FBXO40: variants seen among roughly 807,000 people sequenced by gnomAD.
The protein encoded by FBXO40 is F-box only protein 40.
A neutral mutation model predicts 49.9 loss-of-function variants in FBXO40; 50 were observed. The observed-to-expected ratio is 1.00, with a 90% confidence interval of 0.80 to 1.27. FBXO40 has a LOEUF of 1.27. Ranked by LOEUF, FBXO40 falls within the 50% of genes most tolerant of loss-of-function variation. The probability of loss-of-function intolerance (pLI) is 0.00; values close to 1 mark genes in which losing one functional copy is unlikely to be tolerated. For synonymous variants in FBXO40, 340 were observed against 320.2 expected (o/e 1.06, Z -0.66); for missense variants, 895 against 870.1 (o/e 1.03, Z -0.36).
intron 1 of FBXO40, among the ~76,000 whole-genome samples, chr3:121,606,111 G>A (rs566449073): frequency 2.6e-5 from 4 of 152,196 alleles, no homozygotes; most frequent in East Asian, 1.9e-4. Context: ...AGTAAAAGAC[G>A]ACCAGGAGGA....
Position 121,621,489 on chromosome 3 carries a change from C to T in FBXO40, c.60C>T (p.Asn20=). Reference sequence around the variant, plus strand: ...ACAGGCATTGTGAGGGATGCTTCAACCGCCACTGCCACATTCCTGTGGAAC... The same window carrying T: ...ACAGGCATTGTGAGGGATGCTTCAATCGCCACTGCCACATTCCTGTGGAAC... The part of the protein sequence containing the change: ...GHHRHCEGCF[N]RHCHIPVEPN... The change falls in exon 3 of 4, where the codon AAC becomes AAT. Residue 20 remains asparagine (N), a synonymous_variant. Coordinates refer to ENST00000338040, the MANE Select transcript of FBXO40 (RefSeq NM_016298.4). 1.2e-6 allele frequency: 2 copies of T among 1,614,238 alleles called. No individual in the cohort carries two copies. The highest frequency in any genetic ancestry group is 1.7e-6 in the Non-Finnish European group (2 of 1,180,050).
At chr3:121,602,513 A>G (rs1576450241) in intron 1 of FBXO40, among the ~76,000 whole-genome samples, 1 of 152,332 alleles carries the variant, frequency 6.6e-6, no homozygotes, top group South Asian at 2.1e-4. Flanking sequence ...TCCCAGCCAG[A>G]AATAAAAATG....
chr3:121,600,149 G>A (rs2048894752), intron 1 of FBXO40, among the ~76,000 whole-genome samples: 1 of 147,850 alleles, frequency 6.8e-6, no homozygotes, highest in Admixed American at 6.9e-5. Context: ...TCCTGTGCCA[G>A]CCCTCCAAGC....
intron 1 of FBXO40, among the ~76,000 whole-genome samples, chr3:121,603,535 T>C (rs185736193): frequency 7.2e-4 from 110 of 152,288 alleles, no homozygotes; most frequent in African/African-American, 1.6e-3. Flanking sequence ...CTGGACATTC[T>C]GCAGGCTTGG....
intron 2 of FBXO40, 117 bp downstream of exon 2, chr3:121,620,695 C>CT: frequency 3.0e-6 from 4 of 1,316,404 alleles, no homozygotes; most frequent in South Asian, 1.3e-5. Context: ...TATTTATCAA[C>CT]TTTTTTCCAA....
At chr3:121,626,549 G>T (rs1208288182) in intron 3 of FBXO40, 146 bp from the exon 4 acceptor site, 5 of 714,838 alleles carry the variant, frequency 7.0e-6, no homozygotes, top group African/African-American at 3.5e-5. Context: ...TGGAGGAGGG[G>T]CTACCAAATG....
At position 121,622,274 on chromosome 3, in the gene FBXO40, TGGAAACCACA is replaced by T; in HGVS notation, c.848_857del (p.Glu283GlyfsTer13). 6.2e-7 allele frequency: 1 copy of T among 1,614,184 alleles called. No homozygotes were observed. On this transcript the variant is annotated frameshift_variant, in exon 3 of 4. Transcript: ENST00000338040. LOFTEE classifies it high-confidence loss of function. ...AAGCAGCAGGACGTTCGTACAGCCA[TGGAAACCACA>T]GGGCTTGCCCCTTGGCAGGATGGTG...
chr3:121,594,104 A>G (rs10934553), intron 1 of FBXO40, among the ~76,000 whole-genome samples: 54,363 of 149,854 alleles, frequency 0.36, 10,238 homozygotes, highest in East Asian at 0.65. Context: ...CTGGCCTCAA[A>G]TGATCCGCCC....
At chr3:121,601,826 A>C (rs1020237919) in intron 1 of FBXO40, among the ~76,000 whole-genome samples, 2 of 152,204 alleles carry the variant, frequency 1.3e-5, no homozygotes, top group African/African-American at 4.8e-5. Flanking sequence ...GGGACTCTGA[A>C]TTATCCAGAC....
chr3:121,628,967 G>A lies in FBXO40; in HGVS notation c.*2057G>A, dbSNP rs1290203835. The A allele has an allele frequency of 6.6e-6, 1 of 152,206 alleles. No individual in the cohort carries two copies. Among genetic ancestry groups the A allele is most frequent in the East Asian group, 1.9e-4 (1 of 5,198 alleles). 9.4% of individuals were successfully genotyped at this position (152,206 alleles called of 1,614,324 possible). A position where few individuals can be genotyped will look rare whatever the true frequency, so the allele number is the denominator to read the frequency against. On this transcript the variant is annotated 3_prime_UTR_variant, in exon 4 of 4. Coordinates refer to ENST00000338040, the MANE Select transcript of FBXO40 (RefSeq NM_016298.4). ...TCCCAGCAGTCCTAGCAGTCCTCAA[G>A]CAAGTGGGAAATCGGAAAAGAAAAG...
At chr3:121,596,575 A>T (rs530765873) in intron 1 of FBXO40, among the ~76,000 whole-genome samples, 6 of 152,170 alleles carry the variant, frequency 3.9e-5, no homozygotes, top group African/African-American at 7.2e-5. Context: ...TTGAGAAGCT[A>T]TGGAATATGG....
intron 1 of FBXO40, among the ~76,000 whole-genome samples, chr3:121,602,649 C>T (rs1287727493): frequency 6.6e-6 from 1 of 152,200 alleles, no homozygotes; most frequent in Non-Finnish European, 1.5e-5. Context: ...TCTTCCTACT[C>T]CATTTATTCC....
chr3:121,619,979 A>C (rs1349486786), intron 1 of FBXO40, among the ~76,000 whole-genome samples: 2 of 152,234 alleles, frequency 1.3e-5, no homozygotes, highest in Non-Finnish European at 2.9e-5. Context: ...CAGAGTCTCC[A>C]TTCAGTCAAC....
Position 121,626,858 on chromosome 3 carries a change from A to G in FBXO40, c.2078A>G (p.Glu693Gly), listed in dbSNP as rs1415926236. Residue 693 changes from glutamate to glycine, a missense_variant, in exon 4 of 4, where the codon GAG (glutamate) becomes GGG (glycine). Glu to Gly is a moderately conservative substitution (Grantham distance 98, BLOSUM62 -2). Coordinates refer to ENST00000338040, the MANE Select transcript of FBXO40 (RefSeq NM_016298.4). ...TGTCAGCCCCGTGAGCAGGCCCGAG[A>G]GAGCTTAGTCTCCACCTTTAGAATC... ...SMCQPREQARESLVSTFRIRP... is the reference protein window; with the variant it reads ...SMCQPREQARGSLVSTFRIRP... The G allele has an allele frequency of 3.7e-6, 6 of 1,614,016 alleles. No individual in the cohort carries two copies. The highest frequency in any genetic ancestry group is 2.2e-5 in the South Asian group (2 of 91,078).
Position 121,622,948 on chromosome 3 carries a change from T to C in FBXO40, c.1519T>C (p.Phe507Leu). The C allele has an allele frequency of 6.2e-7, 1 of 1,614,182 alleles. No homozygotes were observed. Among genetic ancestry groups the C allele is most frequent in the East Asian group, 2.2e-5 (1 of 44,888 alleles). ...CATTCAGTCATGTCTCAATGGCTGG[T>C]TCCAGCATCGATGCCCCCTCGCCTA... ...TDIQSCLNGW[F>L]QHRCPLAYLG... The change falls in exon 3 of 4, where the codon TTC becomes CTC. Residue 507 changes from phenylalanine to leucine, a missense_variant. By Grantham distance (22) the Phe-to-Leu change is conservative. Transcript: ENST00000338040.
chr3:121,593,649 G>C (rs2048855186), intron 1 of FBXO40, 147 bp downstream of exon 1: 1 of 152,248 alleles, frequency 6.6e-6, no homozygotes, highest in South Asian at 2.1e-4. Flanking sequence ...GGGAAAGGCT[G>C]GCACTGAGAA....
In FBXO40 at chr3:121,623,021, A is replaced by C. The variant is rs2108851684; in HGVS notation, c.1592A>C (p.Lys531Thr). 4 of 1,614,186 alleles carry C rather than the reference A, an allele frequency of 2.5e-6. No individual in the cohort carries two copies. The highest frequency in any genetic ancestry group is 4.5e-5 in the East Asian group (2 of 44,878). ...AACCATTTCCGTCCCCCAGGGCAAA[A>C]GGCAAAAGTAATCTATAGCCAGGAG... is the stretch of plus-strand genomic sequence containing the variant. ...VQNHFRPPGQKAKVIYSQELK... is the reference protein window; with the variant it reads ...VQNHFRPPGQTAKVIYSQELK... The change falls in exon 3 of 4, where the codon AAG (lysine) becomes ACG (threonine). Residue 531 changes from lysine (K) to threonine (T), a missense_variant. By Grantham distance (78) the Lys-to-Thr change is moderately conservative. Transcript: ENST00000338040.
intron 1 of FBXO40, among the ~76,000 whole-genome samples, chr3:121,602,624 G>A (rs2108844951): frequency 6.6e-6 from 1 of 152,290 alleles, no homozygotes; most frequent in East Asian, 1.9e-4. Context: ...CTACACAGCA[G>A]TTTCTAACTC....
chr3:121,601,546 T>C (rs2048901420), intron 1 of FBXO40, among the ~76,000 whole-genome samples: 1 of 152,214 alleles, frequency 6.6e-6, no homozygotes, highest in Non-Finnish European at 1.5e-5. Context: ...TCCATAGTGC[T>C]GAAGGGTAAG....
Sources: allele counts gnomAD v4.1 joint callset (sites outside exome capture counted in the v4.1 genomes callset), GRCh38; gene constraint gnomAD v4.1.1; transcripts MANE v1.5; gene names NCBI Gene and HGNC (gene_info 2026-07-23, HGNC 2026-07-21).